TFEC: variants seen among roughly 807,000 people sequenced by gnomAD.
The protein encoded by TFEC is class E basic helix-loop-helix protein 34.
TFEC carries 31 observed loss-of-function variants against 41.6 expected under a neutral mutation model. The observed-to-expected ratio is 0.74, with a 90% CI of 0.56 to 1.01. The LOEUF is 1.01. TFEC is among the 50% of genes least tolerant of loss of function. TFEC has a pLI of 0.00. For missense variants in TFEC, 402 were observed against 404.1 expected, an observed-to-expected ratio of 0.99 and a Z score of 0.04; for synonymous variants, 143 against 140.6, an observed-to-expected ratio of 1.02 and a Z score of -0.12.
At chr7:116,124,048 G>A (rs192576169) in intron 1 of TFEC, among the ~76,000 whole-genome samples, 1 of 152,146 alleles carries the variant, frequency 6.6e-6, no homozygotes, top group Admixed American at 6.5e-5. Flanking sequence ...GTACAGAGTG[G>A]GGAAAGATTG....
At chr7:115,973,730 T>C (rs111903913) in intron 3 of TFEC, among the ~76,000 whole-genome samples, 147 of 152,178 alleles carry the variant, frequency 9.7e-4, no homozygotes, top group African/African-American at 3.1e-3. Flanking sequence ...AGAAGTAAAT[T>C]TATATTTTTC....
intron 3 of TFEC, among the ~76,000 whole-genome samples, chr7:115,959,311 G>T (rs1247333220): frequency 6.6e-6 from 1 of 151,708 alleles, no homozygotes; most frequent in Non-Finnish European, 1.5e-5. Flanking sequence ...ACTTCTTTCT[G>T]ATAGAAAAAA....
At chr7:116,125,638 A>G (rs530342405) in intron 1 of TFEC, among the ~76,000 whole-genome samples, 34 of 152,274 alleles carry the variant, frequency 2.2e-4, no homozygotes, top group Admixed American at 2.0e-3. Context: ...GACAATTCCA[A>G]AAGATCCTAC....
intron 3 of TFEC, among the ~76,000 whole-genome samples, chr7:115,973,097 G>A (rs1793208838): frequency 6.6e-6 from 1 of 151,370 alleles, no homozygotes; most frequent in Admixed American, 6.6e-5. Flanking sequence ...AATGAAAACT[G>A]AAAAAAAATC....
intron 1 of TFEC, among the ~76,000 whole-genome samples, chr7:116,150,393 C>G (rs1312311774): frequency 6.6e-6 from 1 of 152,016 alleles, no homozygotes; most frequent in Non-Finnish European, 1.5e-5. Flanking sequence ...TTTTAGAATT[C>G]AGGGAATAAA....
intron 1 of TFEC, among the ~76,000 whole-genome samples, chr7:116,150,691 G>A (rs1798742965): frequency 6.6e-6 from 1 of 152,000 alleles, no homozygotes; most frequent in Admixed American, 6.5e-5. Flanking sequence ...TTCTTGCAGA[G>A]TGTATAGTTA....
intron 6 of TFEC, among the ~76,000 whole-genome samples, chr7:115,944,013 ATTTT>A (rs1160114562): frequency 0.02 from 459 of 22,842 alleles, 5 homozygotes; most frequent in African/African-American, 0.053. Flanking sequence ...ACAGGTCTGA[ATTTT>A]TTTTTTTTTT....
intron 3 of TFEC, chr7:115,968,447 C>T: frequency 1.7e-6 from 1 of 597,812 alleles, no homozygotes; most frequent in South Asian, 4.3e-5. Flanking sequence ...TTACTCATTC[C>T]TCGTCTCTGG....
At chr7:116,021,662 A>C (rs1453860024) in intron 1 of TFEC, among the ~76,000 whole-genome samples, 1 of 152,168 alleles carries the variant, frequency 6.6e-6, no homozygotes, top group Non-Finnish European at 1.5e-5. Flanking sequence ...TTCCAGTTAA[A>C]CTGTCTCCAG....
At chr7:115,992,384 C>T (rs960035202) in intron 1 of TFEC, among the ~76,000 whole-genome samples, 1 of 152,092 alleles carries the variant, frequency 6.6e-6, no homozygotes, top group Non-Finnish European at 1.5e-5. Context: ...AATAGAGACA[C>T]CAAAAGCCCT....
chr7:115,979,920 C>T (rs1006555087), intron 2 of TFEC, among the ~76,000 whole-genome samples: 47 of 152,152 alleles, frequency 3.1e-4, no homozygotes, highest in African/African-American at 1.1e-3. Context: ...ATTCTGTCAT[C>T]TGTTCATGTA....
upstream of TFEC, among the ~76,000 whole-genome samples, chr7:116,034,089 C>T (rs903163018): frequency 1.3e-5 from 2 of 152,036 alleles, no homozygotes; most frequent in Non-Finnish European, 2.9e-5. Flanking sequence ...CTTTAATGCC[C>T]TTTTTATGGG....
At chr7:116,009,585 TA>T (rs1458096156) in intron 1 of TFEC, among the ~76,000 whole-genome samples, 2 of 152,006 alleles carry the variant, frequency 1.3e-5, no homozygotes, top group Non-Finnish European at 2.9e-5. Context: ...TTAGGGGAGA[TA>T]AATATTTAAA....
At chr7:116,130,110 T>A (rs377330025) in intron 1 of TFEC, among the ~76,000 whole-genome samples, 8 of 151,356 alleles carry the variant, frequency 5.3e-5, no homozygotes, top group Admixed American at 1.3e-4. Context: ...CTTATTTTTG[T>A]TCACTTTTCC....
At chr7:116,042,689 A>G (rs1335735250) in intron 3 of TFEC, among the ~76,000 whole-genome samples, 3 of 152,194 alleles carry the variant, frequency 2.0e-5, no homozygotes, top group Non-Finnish European at 2.9e-5. Flanking sequence ...ATCCAACAGT[A>G]TGCAGGACTG....
intron 1 of TFEC, among the ~76,000 whole-genome samples, chr7:116,010,842 C>T (rs1794974261): frequency 6.6e-6 from 1 of 152,052 alleles, no homozygotes; most frequent in Admixed American, 6.5e-5. Flanking sequence ...GTAAGTTAAC[C>T]TTAATTAAAT....
intron 3 of TFEC, among the ~76,000 whole-genome samples, chr7:116,048,910 C>T (rs532437721): frequency 2.0e-5 from 3 of 152,258 alleles, no homozygotes; most frequent in African/African-American, 7.2e-5. Flanking sequence ...GAAATAAAAT[C>T]CTTTACAGAC....
At chr7:115,975,301 T>C (rs1380870682) in intron 2 of TFEC, among the ~76,000 whole-genome samples, 2 of 152,142 alleles carry the variant, frequency 1.3e-5, no homozygotes, top group African/African-American at 4.8e-5. Flanking sequence ...TTAAATGTGA[T>C]ATAAACTCAA....
At chr7:116,135,233 T>A (rs1798411879) in intron 1 of TFEC, among the ~76,000 whole-genome samples, 1 of 152,136 alleles carries the variant, frequency 6.6e-6, no homozygotes. Context: ...TAATCCATGT[T>A]AAAGCTCCAC....
Sources: gnomAD v4.1 joint callset for allele counts (sites outside exome capture counted in the v4.1 genomes callset) on GRCh38, gnomAD v4.1.1 for gene constraint, MANE v1.5 for transcripts, NCBI Gene and HGNC (gene_info 2026-07-23, HGNC 2026-07-21) for gene names.